Variants in TRAPPC9 observed in about 807,000 individuals in gnomAD.
TRAPPC9 encodes the protein trafficking protein particle complex subunit 9.
A neutral mutation model predicts 124.0 loss-of-function variants in TRAPPC9; 83 were observed. That is an observed-to-expected ratio of 0.67 (90% confidence interval 0.56 to 0.80). The LOEUF is 0.80. TRAPPC9 is among the 30% of genes least tolerant of loss of function. TRAPPC9 has a pLI of 0.00. For missense variants in TRAPPC9, 1,302 were observed against 1,508.3 expected (o/e 0.86, Z 2.27); for synonymous variants, 638 against 617.5 (o/e 1.03, Z -0.49).
At chr8:140,221,315 TCCAAGAACAAAGAATACCAA>T in intron 17 of TRAPPC9, 124 bp downstream of exon 17, 1 of 1,285,388 alleles carries the variant, frequency 7.8e-7, no homozygotes, top group Admixed American at 1.8e-5. Flanking sequence ...CAAAACATTG[TCCAAGAACAAAGAATACCAA>T]GAATCCAGCT....
intron 9 of TRAPPC9, among the ~76,000 whole-genome samples, chr8:140,322,918 C>T (rs2066635374): frequency 6.6e-6 from 1 of 152,318 alleles, no homozygotes; most frequent in South Asian, 2.1e-4. Flanking sequence ...CTTTGACTAC[C>T]TTGCCTGGCA....
intron 21 of TRAPPC9, among the ~76,000 whole-genome samples, chr8:139,807,255 AC>A (rs2130723550): frequency 6.6e-6 from 1 of 152,310 alleles, no homozygotes; most frequent in African/African-American, 2.4e-5. Context: ...TGCCAAGGCC[AC>A]AGCGGTGCAG....
intron 17 of TRAPPC9, among the ~76,000 whole-genome samples, chr8:140,138,932 G>A (rs1481864568): frequency 6.6e-6 from 1 of 152,040 alleles, no homozygotes; most frequent in East Asian, 1.9e-4. Context: ...AGGGTGCAGA[G>A]GGCTGAACCA....
At chr8:139,999,205 C>A (rs1259931196) in intron 18 of TRAPPC9, among the ~76,000 whole-genome samples, 1 of 151,142 alleles carries the variant, frequency 6.6e-6, no homozygotes, top group Non-Finnish European at 1.5e-5. Context: ...CAAAAAAAAA[C>A]ACTCAACTAT....
At chr8:139,954,021 A>G (rs965523567) in intron 19 of TRAPPC9, among the ~76,000 whole-genome samples, 1 of 152,224 alleles carries the variant, frequency 6.6e-6, no homozygotes, top group Non-Finnish European at 1.5e-5. Flanking sequence ...AAGAAGCCAG[A>G]TCAAAGAGGA....
At chr8:140,264,798 G>A (rs1363766734) in intron 15 of TRAPPC9, among the ~76,000 whole-genome samples, 1 of 152,108 alleles carries the variant, frequency 6.6e-6, no homozygotes, top group Non-Finnish European at 1.5e-5. Context: ...TCAGTCTTGG[G>A]ACTGCAACTA....
chr8:140,204,622 T>C (rs1224032518), intron 17 of TRAPPC9, among the ~76,000 whole-genome samples: 2 of 151,976 alleles, frequency 1.3e-5, no homozygotes, highest in Non-Finnish European at 2.9e-5. Flanking sequence ...TAAAGTATAA[T>C]AAAAAAATAA....
chr8:139,800,436 T>C (rs758097300), intron 21 of TRAPPC9, among the ~76,000 whole-genome samples: 13 of 152,228 alleles, frequency 8.5e-5, no homozygotes, highest in South Asian at 2.1e-4. Flanking sequence ...GCAGGGTTTC[T>C]GGTGGGTCCG....
In TRAPPC9 at chr8:140,347,516, C is replaced by A. The variant is rs185185905; in HGVS notation, c.1495+12534G>T. Among the ~76,000 whole-genome samples, 189 of 152,312 alleles carry A rather than the reference C, an allele frequency of 1.2e-3. 2 individuals are homozygous for A. Among genetic ancestry groups the A allele is most frequent in the South Asian group, 2.7e-3 (13 of 4,820 alleles). ...TCAGCCCTGTCCTCAGCCTGCCTAGCCCAGTTTCAACAAGAATCCCGGGAA... is the reference window on the plus strand; with the variant it reads ...TCAGCCCTGTCCTCAGCCTGCCTAGACCAGTTTCAACAAGAATCCCGGGAA... On this transcript the variant is annotated intron_variant, in intron 9 of 22. Coordinates refer to ENST00000438773, the MANE Select transcript of TRAPPC9 (RefSeq NM_001160372.4).
chr8:139,808,880 A>G (rs1051651881), intron 21 of TRAPPC9, among the ~76,000 whole-genome samples: 1 of 152,186 alleles, frequency 6.6e-6, no homozygotes, highest in Admixed American at 6.5e-5. Context: ...AAACAAAAAC[A>G]CTTGAGCTGG....
intron 22 of TRAPPC9, among the ~76,000 whole-genome samples, chr8:139,731,594 G>T (rs1817826790): frequency 6.6e-6 from 1 of 152,120 alleles, no homozygotes; most frequent in Admixed American, 6.5e-5. Flanking sequence ...GAGGTGGGAG[G>T]TGGGGGCTGA....
intron 21 of TRAPPC9, among the ~76,000 whole-genome samples, chr8:139,853,279 T>C (rs555126969): frequency 3.4e-4 from 52 of 152,236 alleles, no homozygotes; most frequent in African/African-American, 1.3e-3. Context: ...AGTTTCCCAT[T>C]TGCAGTGTGG....
chr8:140,232,448 GC>G (rs2063622295), intron 16 of TRAPPC9, among the ~76,000 whole-genome samples: 2 of 152,112 alleles, frequency 1.3e-5, no homozygotes, highest in Admixed American at 6.6e-5. Flanking sequence ...TATTACCCTA[GC>G]CCGGAGCAGA....
chr8:140,357,917 T>C (rs2067803384), intron 9 of TRAPPC9, among the ~76,000 whole-genome samples: 1 of 152,172 alleles, frequency 6.6e-6, no homozygotes, highest in Non-Finnish European at 1.5e-5. Context: ...TGCACGGCTG[T>C]CGCAGGGGCC....
intron 13 of TRAPPC9, among the ~76,000 whole-genome samples, chr8:140,286,471 C>A (rs1356026638): frequency 6.6e-6 from 1 of 152,146 alleles, no homozygotes. Flanking sequence ...AGTCCCAGTG[C>A]TTTTGTGACA....
intron 9 of TRAPPC9, among the ~76,000 whole-genome samples, chr8:140,336,451 A>G (rs1387741005): frequency 6.6e-6 from 1 of 152,158 alleles, no homozygotes. Flanking sequence ...GGCCACTGGA[A>G]ATATGTAGAA....
At chr8:139,832,276 A>C (rs998490295) in intron 21 of TRAPPC9, among the ~76,000 whole-genome samples, 4 of 152,206 alleles carry the variant, frequency 2.6e-5, no homozygotes, top group African/African-American at 9.6e-5. Flanking sequence ...AAATAGCTAC[A>C]TTTGCATGAT....
intron 21 of TRAPPC9, among the ~76,000 whole-genome samples, chr8:139,783,470 A>C (rs2130541636): frequency 6.6e-6 from 1 of 152,374 alleles, no homozygotes; most frequent in South Asian, 2.1e-4. Context: ...ACCAAAGTTC[A>C]CTAAAGAAGA....
At chr8:140,417,788 A>G (rs111650612) in intron 5 of TRAPPC9, among the ~76,000 whole-genome samples, 5,051 of 152,314 alleles carry the variant, frequency 0.033, 308 homozygotes, top group African/African-American at 0.12. Context: ...ACTGTTCACA[A>G]TAGCAAAGAC....
Sources: allele counts gnomAD v4.1 joint callset (sites outside exome capture counted in the v4.1 genomes callset), GRCh38; gene constraint gnomAD v4.1.1; transcripts MANE v1.5; gene names NCBI Gene and HGNC (gene_info 2026-07-23, HGNC 2026-07-21).